PRELID2: variants seen among roughly 807,000 people sequenced by gnomAD.
PRELID2 encodes the protein PRELI domain-containing protein 2.
PRELID2 carries 25 observed loss-of-function variants against 28.4 expected under a neutral mutation model. The ratio of observed to expected loss-of-function variants is 0.88; its 90% CI spans 0.64 to 1.23. The LOEUF (loss-of-function observed/expected upper bound fraction) is 1.23. Ranked by LOEUF, PRELID2 falls within the 50% of genes most tolerant of loss-of-function variation. The pLI is 0.00. For synonymous variants in PRELID2, 76 were observed against 71.6 expected, an observed-to-expected ratio of 1.06 and a Z score of -0.31; for missense variants, 201 against 214.4, an observed-to-expected ratio of 0.94 and a Z score of 0.39.
At position 145,740,053 on chromosome 5, in the gene PRELID2, A is replaced by G. The variant is rs142742360; in HGVS notation, n.70+24878T>C. 3.8e-3 allele frequency among the ~76,000 whole-genome samples: 579 copies of G among 151,048 alleles called. 5 individuals are homozygous for G. Among genetic ancestry groups the G allele is most frequent in the African/African-American group, 0.013 (554 of 41,374 alleles). On this transcript the variant is annotated intron_variant and non_coding_transcript_variant, in intron 1 of 2. Transcript: ENST00000510259. ...AAGTCATAAACTGGAAGAGTGGCTT[A>G]AAAACCATGACTCAATCATATGCTA... is the stretch of plus-strand genomic sequence containing the variant.
chr5:145,486,835 C>A (rs1252615389), intron 1 of PRELID2, among the ~76,000 whole-genome samples: 1 of 150,910 alleles, frequency 6.6e-6, no homozygotes, highest in Non-Finnish European at 1.5e-5. Flanking sequence ...AGACTTGGAA[C>A]CAACCCAAAT....
In PRELID2 at chr5:145,759,988, G is replaced by C. The variant is rs139426245; in HGVS notation, c.*548C>G. On this transcript the variant is annotated 3_prime_UTR_variant, in exon 7 of 7. Transcript: ENST00000683046. Reference sequence around the variant, plus strand: ...AGGATAAAAATCTCCTGATTTCTGAGAATCTTAAACATTGTTATAAATACG... The same window carrying C: ...AGGATAAAAATCTCCTGATTTCTGACAATCTTAAACATTGTTATAAATACG... The C allele has an allele frequency of 2.1e-4, 32 of 152,136 alleles. No individual in the cohort carries two copies. In the East Asian group the frequency reaches 5.4e-3, roughly 26 times the overall value. 9.4% of individuals were successfully genotyped at this position (152,136 alleles called of 1,614,324 possible). A position where few individuals can be genotyped will look rare whatever the true frequency, so the allele number is the denominator to read the frequency against.
the PRELID2 span, among the ~76,000 whole-genome samples, chr5:145,400,321 G>A: frequency 6.6e-6 from 1 of 151,868 alleles, no homozygotes. Context: ...TGTGCTTCAG[G>A]CTGAGGAAAG....
chr5:145,392,347 A>G, the PRELID2 span, among the ~76,000 whole-genome samples: 1 of 152,292 alleles, frequency 6.6e-6, no homozygotes, highest in South Asian at 2.1e-4. Flanking sequence ...GAAGCCAGTT[A>G]TAAAACCATC....
At chr5:145,694,303 T>C (rs1251128957) in intron 1 of PRELID2, among the ~76,000 whole-genome samples, 1 of 152,140 alleles carries the variant, frequency 6.6e-6, no homozygotes, top group Non-Finnish European at 1.5e-5. Context: ...TTAGCCAAGA[T>C]TGTCTCAATG....
chr5:145,665,123 ACACT>A (rs1754562767), intron 1 of PRELID2, among the ~76,000 whole-genome samples: 2 of 152,084 alleles, frequency 1.3e-5, no homozygotes, highest in South Asian at 4.1e-4. Context: ...TGCTCAGCAA[ACACT>A]CACCTATTTA....
chr5:145,246,760 G>C, the PRELID2 span, among the ~76,000 whole-genome samples: 1 of 152,018 alleles, frequency 6.6e-6, no homozygotes, highest in Admixed American at 6.5e-5. Context: ...CAGTGAAAAA[G>C]ATGAAACCTA....
intron 1 of PRELID2, among the ~76,000 whole-genome samples, chr5:145,667,358 G>A (rs1754614943): frequency 6.6e-6 from 1 of 151,974 alleles, no homozygotes; most frequent in Admixed American, 6.6e-5. Flanking sequence ...ATACACAGTT[G>A]TATATTTTGA....
intron 1 of PRELID2, among the ~76,000 whole-genome samples, chr5:145,501,052 C>T (rs1027980039): frequency 1.6e-4 from 25 of 152,090 alleles, no homozygotes; most frequent in African/African-American, 4.8e-4. Flanking sequence ...ATTATGGTGA[C>T]GGAAAGGTAA....
intron 1 of PRELID2, among the ~76,000 whole-genome samples, chr5:145,604,045 T>A (rs2116816): frequency 0.072 from 11,014 of 152,060 alleles, 593 homozygotes; most frequent in Admixed American, 0.18. Flanking sequence ...TATATAAATA[T>A]CTTTTTTTTA....
chr5:145,581,589 G>A (rs551528074), intron 1 of PRELID2, among the ~76,000 whole-genome samples: 1 of 152,148 alleles, frequency 6.6e-6, no homozygotes, highest in South Asian at 2.1e-4. Flanking sequence ...GCATTGTTAG[G>A]AGTTAAAATC....
intron 1 of PRELID2, among the ~76,000 whole-genome samples, chr5:145,554,698 C>A (rs145905945): frequency 1.4e-3 from 214 of 152,278 alleles, no homozygotes; most frequent in African/African-American, 5.1e-3. Flanking sequence ...AATCAGAAAG[C>A]CTTGTTTTTG....
At chr5:145,412,619 T>C in the PRELID2 span, among the ~76,000 whole-genome samples, 3 of 152,204 alleles carry the variant, frequency 2.0e-5, no homozygotes, top group African/African-American at 7.2e-5. Context: ...TTATTCTGAG[T>C]CCTCCAAACT....
chr5:145,500,437 T>C (rs1221146143), intron 1 of PRELID2, among the ~76,000 whole-genome samples: 6 of 152,098 alleles, frequency 3.9e-5, no homozygotes, highest in Non-Finnish European at 8.8e-5. Flanking sequence ...TAAACCTCTT[T>C]ATCACTTACC....
chr5:145,353,945 G>C, the PRELID2 span, among the ~76,000 whole-genome samples: 1 of 152,124 alleles, frequency 6.6e-6, no homozygotes, highest in African/African-American at 2.4e-5. Context: ...ACCATCTCCA[G>C]TGGTTATGGT....
In PRELID2 at chr5:145,737,981, A is replaced by G. The variant is rs374993916; in HGVS notation, n.70+26950T>C. On this transcript the variant is annotated intron_variant and non_coding_transcript_variant, in intron 1 of 2. Coordinates refer to the PRELID2 transcript ENST00000510259. ...GGGAAAAGCCTAGTGAAGAGTTAAG[A>G]CTTTCCCCAAACCCATAGTGACAGT... 1.8e-4 allele frequency among the ~76,000 whole-genome samples: 27 copies of G among 152,274 alleles called. 1 individual carries two copies. The South Asian group carries it at 5.6e-3, about 32-fold the overall frequency.
At chr5:145,819,845 G>A (rs1171701824) in intron 3 of PRELID2, 100 bp downstream of exon 3, 1 of 807,368 alleles carries the variant, frequency 1.2e-6, no homozygotes, top group Non-Finnish European at 2.1e-6. Context: ...GGAGTAGGAA[G>A]TTTCTAACGC....
chr5:145,742,067 TAA>T (rs1467933758), intron 1 of PRELID2, among the ~76,000 whole-genome samples: 1 of 36,642 alleles, frequency 2.7e-5, no homozygotes, highest in Non-Finnish European at 6.5e-5. Flanking sequence ...AATTTATTTA[TAA>T]TTATACGTAA....
chr5:145,552,898 G>A (rs1752849496), intron 1 of PRELID2, among the ~76,000 whole-genome samples: 1 of 152,132 alleles, frequency 6.6e-6, no homozygotes, highest in South Asian at 2.1e-4. Context: ...GCAGCTTACT[G>A]AGAATCCTCA....
Sources: allele counts gnomAD v4.1 joint callset (sites outside exome capture counted in the v4.1 genomes callset), GRCh38; gene constraint gnomAD v4.1.1; transcripts MANE v1.5; gene names NCBI Gene and HGNC (gene_info 2026-07-23, HGNC 2026-07-21).